The following MTNAP1 variants were observed in gnomAD, a reference collection of about 807,000 sequenced individuals.
MTNAP1 encodes the protein mitochondrial nucleoid associated protein 1, also known as mitochondrial nucleoid-associated protein 1.
the MTNAP1 span, chr17:73,236,807 G>T: frequency 6.2e-7 from 1 of 1,614,108 alleles, no homozygotes; most frequent in Non-Finnish European, 8.5e-7. Context: ...ACTCCTCAGA[G>T]CCCCTTCACC....
At chr17:73,245,101 C>T in the MTNAP1 span, 1 of 1,482,114 alleles carries the variant, frequency 6.7e-7, no homozygotes, top group Non-Finnish European at 9.4e-7. Flanking sequence ...TCTGTAGAGG[C>T]AAAAGATAGT....
chr17:73,242,900 G>T, the MTNAP1 span: 5 of 1,612,934 alleles, frequency 3.1e-6, no homozygotes, highest in Non-Finnish European at 3.4e-6. Context: ...GAACAGGCTG[G>T]ATCAGGTGCA....
chr17:73,236,686 G>A, the MTNAP1 span: 1 of 1,614,154 alleles, frequency 6.2e-7, no homozygotes, highest in Non-Finnish European at 8.5e-7. Flanking sequence ...TGATGTAAAG[G>A]CATTAATGGA....
chr17:73,245,253 A>AATAC, the MTNAP1 span: 1 of 1,601,322 alleles, frequency 6.2e-7, no homozygotes, highest in Non-Finnish European at 8.5e-7. Flanking sequence ...AGACGACTGC[A>AATAC]ATACATACTT....
the MTNAP1 span, chr17:73,232,441 A>G: frequency 2.9e-6 from 3 of 1,041,082 alleles, no homozygotes; most frequent in Non-Finnish European, 4.0e-6. Context: ...GGGAGAAAGG[A>G]CCTCCCCTGG....
the MTNAP1 span, chr17:73,232,554 G>A: frequency 7.0e-6 from 3 of 429,168 alleles, no homozygotes; most frequent in East Asian, 7.2e-5. Flanking sequence ...TATCATACAA[G>A]TATTTGAGTT....
the MTNAP1 span, among the ~76,000 whole-genome samples, chr17:73,246,891 G>A: frequency 3.9e-5 from 6 of 152,152 alleles, no homozygotes; most frequent in Non-Finnish European, 5.9e-5. Flanking sequence ...CTCTGTGAAT[G>A]CTCTTTAGGA....
chr17:73,232,500 A>G, the MTNAP1 span: 2 of 508,002 alleles, frequency 3.9e-6, no homozygotes, highest in East Asian at 3.4e-5. Context: ...GTACGGTATA[A>G]AAGTCAAGCC....
At chr17:73,240,876 T>G in the MTNAP1 span, among the ~76,000 whole-genome samples, 18 of 34,156 alleles carry the variant, frequency 5.3e-4, no homozygotes, top group South Asian at 0.012. Context: ...GATGAATGGG[T>G]TTTTTTTTTA....
At chr17:73,235,207 G>A in the MTNAP1 span, among the ~76,000 whole-genome samples, 1 of 152,130 alleles carries the variant, frequency 6.6e-6, no homozygotes, top group Admixed American at 6.5e-5. Flanking sequence ...GTGACAGAGT[G>A]AGACTCTGTT....
the MTNAP1 span, among the ~76,000 whole-genome samples, chr17:73,241,324 AT>A: frequency 1.8e-4 from 27 of 151,656 alleles, no homozygotes; most frequent in African/African-American, 6.3e-4. Flanking sequence ...CGCCCGGCTA[AT>A]TTTTTCTGTT....
At chr17:73,245,736 C>T in the MTNAP1 span, 8 of 984,406 alleles carry the variant, frequency 8.1e-6, no homozygotes, top group East Asian at 1.1e-4. Flanking sequence ...GGTAAGCCTC[C>T]GAAAAAAAGC....
At chr17:73,245,337 T>G in the MTNAP1 span, 10 of 1,386,106 alleles carry the variant, frequency 7.2e-6, no homozygotes, top group Non-Finnish European at 7.5e-6. Flanking sequence ...ATTATTGGAA[T>G]CTAAAATAAT....
the MTNAP1 span, among the ~76,000 whole-genome samples, chr17:73,233,629 C>T: frequency 1.3e-5 from 2 of 152,160 alleles, no homozygotes; most frequent in African/African-American, 4.8e-5. Context: ...TTTGGGAGGC[C>T]GAGGCGGGTG....
At chr17:73,245,165 A>C in the MTNAP1 span, 4 of 1,613,538 alleles carry the variant, frequency 2.5e-6, no homozygotes, top group South Asian at 4.4e-5. Context: ...TGTTTATCCA[A>C]AGAGCTGCAG....
chr17:73,241,973 G>A, the MTNAP1 span, among the ~76,000 whole-genome samples: 1 of 152,254 alleles, frequency 6.6e-6, no homozygotes, highest in Middle Eastern at 3.4e-3. Flanking sequence ...AAGCACATGC[G>A]CATCAATCAC....
the MTNAP1 span, among the ~76,000 whole-genome samples, chr17:73,238,325 G>C: frequency 1.3e-5 from 2 of 151,934 alleles, no homozygotes; most frequent in African/African-American, 2.4e-5. Context: ...GGCCATTGGT[G>C]CTTTCATGCT....
chr17:73,243,093 T>TTTTTGGTTTTTTTTTG, the MTNAP1 span: 3 of 991,220 alleles, frequency 3.0e-6, no homozygotes, highest in African/African-American at 5.1e-5. Flanking sequence ...TTTTTTTTTT[T>TTTTTGGTTTTTTTTTG]TTTTTTTTAC....
chr17:73,241,030 C>A, the MTNAP1 span, among the ~76,000 whole-genome samples: 33 of 152,276 alleles, frequency 2.2e-4, no homozygotes, highest in East Asian at 5.8e-3. Flanking sequence ...AACCTGTTGT[C>A]GGTGTTTAAT....
Sources: gnomAD v4.1 joint callset for allele counts (sites outside exome capture counted in the v4.1 genomes callset) on GRCh38, gnomAD v4.1.1 for gene constraint, MANE v1.5 for transcripts, NCBI Gene and HGNC (gene_info 2026-07-23, HGNC 2026-07-21) for gene names.